The following HDAC1 variants were observed in gnomAD, a reference collection of about 807,000 sequenced individuals.
The protein encoded by HDAC1 is histone deacetylase 1.
Under a neutral mutation model 65.5 loss-of-function variants are expected in HDAC1, and 18 were observed. That is an observed-to-expected ratio of 0.27 (90% confidence interval 0.19 to 0.41). The LOEUF (loss-of-function observed/expected upper bound fraction) is 0.41, where lower values mean the gene tolerates loss of function less well. Among genes scored for constraint, HDAC1 ranks in the 10% least tolerant of loss-of-function variants. The pLI is 1.00. For synonymous variants in HDAC1, 211 were observed against 227.9 expected (o/e 0.93, Z 0.67); for missense variants, 373 against 625.2 (o/e 0.60, Z 4.30).
intron 12 of HDAC1, 112 bp downstream of exon 12, chr1:32,332,354 C>A: frequency 9.8e-7 from 1 of 1,018,226 alleles, no homozygotes; most frequent in Non-Finnish European, 1.5e-6. Context: ...GGGGCTCTTC[C>A]TCAGTTCCTT....
chr1:32,307,573 G>T (rs765738682), intron 2 of HDAC1, among the ~76,000 whole-genome samples: 11 of 152,198 alleles, frequency 7.2e-5, no homozygotes, highest in Non-Finnish European at 1.5e-4. Context: ...ACACCCAGGG[G>T]ACAGAGCTGG....
Position 32,329,175 on chromosome 1 carries a change from C to T in HDAC1, c.729+15C>T. 1 of 1,506,504 alleles carries T rather than the reference C, an allele frequency of 6.6e-7. No individual in the cohort carries two copies. The highest frequency in any genetic ancestry group is 9.2e-7 in the Non-Finnish European group (1 of 1,081,724). 93.3% of individuals were successfully genotyped at this position (1,506,504 alleles called of 1,614,324 possible). ...TTTTCAAGCCGGTAAGTGGCTTTATCCACCCCTTGGGCTACAAACAGGGGA... is the reference window on the plus strand; with the variant it reads ...TTTTCAAGCCGGTAAGTGGCTTTATTCACCCCTTGGGCTACAAACAGGGGA... On this transcript the variant is annotated intron_variant, in intron 7 of 13. Transcript: ENST00000373548. This position sits in a 1 kb window ranked among gnomAD's most constrained non-coding sequence, Gnocchi z 4.1.
At chr1:32,302,575 T>G (rs1227689005) in intron 1 of HDAC1, 46 bp from the exon 2 acceptor site, 1 of 912,398 alleles carries the variant, frequency 1.1e-6, no homozygotes, top group South Asian at 1.3e-5. Flanking sequence ...CTCCTGGTAG[T>G]GTATGCCTAA....
At position 32,327,127 on chromosome 1, in the gene HDAC1, C is replaced by T; in HGVS notation, c.494+50C>T. ...TGGAAGAGCACCTTAGGCCAGGTTCCCATTTCCCTCTTCCCCTGGGCTTGC... is the reference window on the plus strand; with the variant it reads ...TGGAAGAGCACCTTAGGCCAGGTTCTCATTTCCCTCTTCCCCTGGGCTTGC... On this transcript the variant is annotated intron_variant, in intron 5 of 13. Coordinates refer to ENST00000373548, the MANE Select transcript of HDAC1 (RefSeq NM_004964.3). This position sits in a 1 kb window ranked among gnomAD's most constrained non-coding sequence, Gnocchi z 6.0. The T allele has an allele frequency of 1.3e-6, 2 of 1,594,370 alleles. No homozygotes were observed. Among genetic ancestry groups the T allele is most frequent in the Non-Finnish European group, 1.7e-6 (2 of 1,166,122 alleles).
chr1:32,306,641 G>A (rs1640915102), intron 2 of HDAC1, among the ~76,000 whole-genome samples: 3 of 152,020 alleles, frequency 2.0e-5, no homozygotes, highest in Admixed American at 1.3e-4. Context: ...AATTCACCAA[G>A]GTCTATGTAG....
intron 2 of HDAC1, among the ~76,000 whole-genome samples, chr1:32,310,003 G>A (rs1640969393): frequency 6.6e-6 from 1 of 152,164 alleles, no homozygotes; most frequent in Non-Finnish European, 1.5e-5. Flanking sequence ...CAGTGAATGA[G>A]ATCAATTCAG....
At chr1:32,320,690 A>G (rs1321483268) in intron 3 of HDAC1, among the ~76,000 whole-genome samples, 1 of 151,972 alleles carries the variant, frequency 6.6e-6, no homozygotes, top group East Asian at 1.9e-4. Context: ...ACTTGAGGCC[A>G]GGAGTTTGAG....
At chr1:32,326,766 A>G in intron 4 of HDAC1, among the ~76,000 whole-genome samples, 173 bp from the exon 5 acceptor site, 1 of 139,942 alleles carries the variant, frequency 7.1e-6, no homozygotes, top group African/African-American at 2.6e-5. Context: ...ACGAGTAGAC[A>G]GTATCATGTA....
chr1:32,322,308 GC>G, intron 3 of HDAC1, among the ~76,000 whole-genome samples: 1 of 148,774 alleles, frequency 6.7e-6, no homozygotes, highest in East Asian at 2.0e-4. Flanking sequence ...ATGGAGTCTC[GC>G]CCTGTCACCC....
chr1:32,331,508 A>G lies in HDAC1; in HGVS notation c.1014A>G (p.Gly338=), dbSNP rs1364940005. 1.2e-6 allele frequency: 2 copies of G among 1,611,842 alleles called. No homozygotes were observed. Among genetic ancestry groups the G allele is most frequent in the Non-Finnish European group, 1.7e-6 (2 of 1,177,970 alleles). Residue 338 remains glycine (G), a synonymous_variant, in exon 10 of 14, where the codon GGA becomes GGG. Coordinates refer to ENST00000373548, the MANE Select transcript of HDAC1 (RefSeq NM_004964.3). The surrounding 1 kb of genome is among the most constrained non-coding windows in gnomAD (Gnocchi z 4.2). The part of the protein sequence containing the change: ...LPYNDYFEYF[G]PDFKLHISPS... ...ACAATGACTACTTTGAATACTTTGG[A>G]CCAGATTTCAAGCTCCACATCAGTC...
intron 2 of HDAC1, among the ~76,000 whole-genome samples, 186 bp from the exon 3 acceptor site, chr1:32,316,479 C>T (rs1477715507): frequency 6.6e-6 from 1 of 152,144 alleles, no homozygotes; most frequent in African/African-American, 2.4e-5. Context: ...TACTCTGTCT[C>T]CTTTGATAAT....
At chr1:32,298,632 C>A (rs1349251210) in intron 1 of HDAC1, among the ~76,000 whole-genome samples, 2 of 152,230 alleles carry the variant, frequency 1.3e-5, no homozygotes, top group Non-Finnish European at 2.9e-5. Context: ...CCTTACATTT[C>A]AGATTTCTCT....
Position 32,327,706 on chromosome 1 carries a change from C to T in HDAC1, c.636+29C>T, listed in dbSNP as rs781734978. On this transcript the variant is annotated intron_variant, in intron 6 of 13. Transcript: ENST00000373548. This position sits in a 1 kb window ranked among gnomAD's most constrained non-coding sequence, Gnocchi z 6.0. ...AGAACGCCCTTTAGGAGCCAACCGG[C>T]TTACCCTCAGCTGGCAGCTCTACTT... 5.0e-6 allele frequency: 8 copies of T among 1,611,148 alleles called. No homozygotes were observed. The highest frequency in any genetic ancestry group is 1.7e-5 in the Admixed American group (1 of 60,004).
intron 1 of HDAC1, among the ~76,000 whole-genome samples, chr1:32,302,013 A>G (rs1640855243): frequency 6.6e-6 from 1 of 152,166 alleles, no homozygotes; most frequent in African/African-American, 2.4e-5. Context: ...AGAATTGTGG[A>G]TTAGGAAAAT....
intron 2 of HDAC1, among the ~76,000 whole-genome samples, chr1:32,310,803 T>C (rs2148062128): frequency 6.6e-6 from 1 of 150,788 alleles, no homozygotes; most frequent in Admixed American, 6.6e-5. Flanking sequence ...TGAGCCAAGA[T>C]TGTGCCATTG....
chr1:32,302,969 C>T (rs1640869417), intron 2 of HDAC1, among the ~76,000 whole-genome samples: 1 of 152,120 alleles, frequency 6.6e-6, no homozygotes, highest in African/African-American at 2.4e-5. Flanking sequence ...CCTAGGAGTT[C>T]TAGGCCAGCC....
chr1:32,297,009 G>A (rs1640775887), intron 1 of HDAC1, among the ~76,000 whole-genome samples: 1 of 152,122 alleles, frequency 6.6e-6, no homozygotes, highest in Admixed American at 6.6e-5. Flanking sequence ...GAGTTCTCAA[G>A]ATCAGGAAAG....
At chr1:32,315,292 G>A (rs1057494899) in intron 2 of HDAC1, among the ~76,000 whole-genome samples, 3 of 151,692 alleles carry the variant, frequency 2.0e-5, no homozygotes, top group African/African-American at 7.3e-5. Context: ...CCCTTTTTTC[G>A]TGAACTCTTG....
At chr1:32,297,680 G>T (rs186444307) in intron 1 of HDAC1, among the ~76,000 whole-genome samples, 15 of 151,608 alleles carry the variant, frequency 9.9e-5, no homozygotes, top group African/African-American at 3.4e-4. Context: ...GCGCCATCTC[G>T]GCTCACTGCA....
Sources: allele counts gnomAD v4.1 joint callset (sites outside exome capture counted in the v4.1 genomes callset), GRCh38; gene constraint gnomAD v4.1.1; non-coding constraint Gnocchi (gnomAD v3.1); transcripts MANE v1.5; gene names NCBI Gene and HGNC (gene_info 2026-07-23, HGNC 2026-07-21).